The following DCPS variants were observed in gnomAD, a reference collection of about 807,000 sequenced individuals.
DCPS encodes the protein m7GpppX diphosphatase.
Under a neutral mutation model 34.7 loss-of-function variants are expected in DCPS, and 27 were observed. The ratio of observed to expected loss-of-function variants is 0.78; its 90% confidence interval spans 0.57 to 1.07. DCPS has a LOEUF of 1.07. DCPS is among the 50% of genes least tolerant of loss of function. The pLI, the probability that DCPS is intolerant of heterozygous loss-of-function variation, is 0.00. For missense variants in DCPS, 464 were observed against 436.9 expected, an observed-to-expected ratio of 1.06 and a Z score of -0.55; for synonymous variants, 185 against 185.7, an observed-to-expected ratio of 1.00 and a Z score of 0.03.
At chr11:126,310,821 C>G (rs894274475) in intron 2 of DCPS, among the ~76,000 whole-genome samples, 2 of 152,236 alleles carry the variant, frequency 1.3e-5, no homozygotes, top group African/African-American at 4.8e-5. Flanking sequence ...TGTGCAGTTC[C>G]TGCAGCCTCA....
Position 126,333,425 on chromosome 11 carries a change from A to G in DCPS, c.522+1875A>G, listed in dbSNP as rs1565378139. ...GGGAAGATAGACTTGTAAACGGGCA[A>G]TTGTGACAATGGGATAAGCACTCTG... On this transcript the variant is annotated intron_variant, in intron 3 of 5. Coordinates refer to ENST00000263579, the MANE Select transcript of DCPS (RefSeq NM_014026.6). The surrounding 1 kb of genome is among the most constrained non-coding windows in gnomAD (Gnocchi z 5.7). Among the ~76,000 whole-genome samples, 1 of 152,222 alleles carries G rather than the reference A, an allele frequency of 6.6e-6. No homozygotes were observed. Among genetic ancestry groups the G allele is most frequent in the Non-Finnish European group, 1.5e-5 (1 of 68,032 alleles).
In DCPS at chr11:126,315,446, G is replaced by A. The variant is rs1951650252; in HGVS notation, c.376+8702G>A. ...GTGGTGGTATGTGCCTGTAGTTCCAGCTACTCAGGAGGCTGAAGTTGGAGG... is the reference window on the plus strand; with the variant it reads ...GTGGTGGTATGTGCCTGTAGTTCCAACTACTCAGGAGGCTGAAGTTGGAGG... On this transcript the variant is annotated intron_variant, in intron 2 of 5. Coordinates refer to ENST00000263579, the MANE Select transcript of DCPS (RefSeq NM_014026.6). The surrounding 1 kb of genome is among the most constrained non-coding windows in gnomAD (Gnocchi z 6.1). Among the ~76,000 whole-genome samples, 1 of 151,868 alleles carries A rather than the reference G, an allele frequency of 6.6e-6. No homozygotes were observed. The highest frequency in any genetic ancestry group is 1.5e-5 in the Non-Finnish European group (1 of 68,006).
At position 126,325,290 on chromosome 11, in the gene DCPS, C is replaced by G. The variant is rs1951731892; in HGVS notation, c.377-6115C>G. Among the ~76,000 whole-genome samples the G allele has an allele frequency of 6.6e-6, 1 of 152,158 alleles. No homozygotes were observed. Among genetic ancestry groups the G allele is most frequent in the African/African-American group, 2.4e-5 (1 of 41,424 alleles). ...TAATCACAGTAACTATGGCAGTGAA[C>G]AGCATTTACATCATCATCATAGCAT... On this transcript the variant is annotated intron_variant, in intron 2 of 5. Transcript: ENST00000263579. This position sits in a 1 kb window ranked among gnomAD's most constrained non-coding sequence, Gnocchi z 4.3.
rs199942226 is a variant in DCPS at position 126,343,327 on chromosome 11, C to T, written c.657C>T (p.Ile219=). ...CGCAGCTCGATGACTTGTACTTGAT[C>T]GCCATCTGCCATCGCCGGGGCATCA... ...NQQQLDDLYL[I]AICHRRGIRS... The change falls in exon 5 of 6, where the codon ATC becomes ATT. Residue 219 remains isoleucine, a synonymous_variant. Coordinates refer to ENST00000263579, the MANE Select transcript of DCPS (RefSeq NM_014026.6). 34 of 1,613,788 alleles carry T rather than the reference C, an allele frequency of 2.1e-5. No homozygotes were observed. The highest frequency in any genetic ancestry group is 2.7e-5 in the African/African-American group (2 of 75,022).
chr11:126,338,140 C>G lies in DCPS; in HGVS notation c.523-146C>G. The stretch of plus-strand genomic sequence containing the variant: ...ACAGATGCTTGGGGACAGGGCAGCC[C>G]GGATGTAGATCCTCTGAGCGTGGCG... On this transcript the variant is annotated intron_variant, in intron 3 of 5. Transcript: ENST00000263579. This position sits in a 1 kb window ranked among gnomAD's most constrained non-coding sequence, Gnocchi z 5.4. 1 of 697,270 alleles carries G rather than the reference C, an allele frequency of 1.4e-6. No individual in the cohort carries two copies. The highest frequency in any genetic ancestry group is 2.5e-6 in the Non-Finnish European group (1 of 396,046). 43.2% of individuals were successfully genotyped at this position (697,270 alleles called of 1,614,324 possible). A position where few individuals can be genotyped will look rare whatever the true frequency, so the allele number is the denominator to read the frequency against.
rs1951843799 is a variant in DCPS, at chr11:126,337,859, C to T, written c.523-427C>T. 6.0e-6 allele frequency: 1 copy of T among 167,134 alleles called. No homozygotes were observed. Among genetic ancestry groups the T allele is most frequent in the Non-Finnish European group, 1.3e-5 (1 of 76,436 alleles). The allele number at this position is 167,134 out of a possible 1,614,324, so 10.4% of individuals were successfully genotyped here. ...CCGTGGTGCCCTCAGCCTCCTACCT[C>T]TCTTTGCCCCATAGTCCTGAATAGA... On this transcript the variant is annotated intron_variant, in intron 3 of 5. Transcript: ENST00000263579. The surrounding 1 kb of genome is among the most constrained non-coding windows in gnomAD (Gnocchi z 5.3).
rs201671454 is a variant in DCPS, at chr11:126,345,648, T to A, written c.*35T>A. On this transcript the variant is annotated 3_prime_UTR_variant, in exon 6 of 6. Transcript: ENST00000263579. The surrounding 1 kb of genome is among the most constrained non-coding windows in gnomAD (Gnocchi z 7.4). ...GGCAGAAGAGCACAGATGTGTGGGA[T>A]TGGGGGAGGAGTGGGGACAAGATTT... The A allele has an allele frequency of 9.4e-6, 15 of 1,595,188 alleles. No homozygotes were observed. In the South Asian group the frequency reaches 1.7e-4, roughly 18 times the overall value.
intron 2 of DCPS, among the ~76,000 whole-genome samples, chr11:126,308,525 C>T (rs1220787875): frequency 2.0e-5 from 3 of 152,210 alleles, no homozygotes; most frequent in Non-Finnish European, 2.9e-5. Flanking sequence ...TTAATTGGTG[C>T]AAGTTGATGG....
intron 2 of DCPS, among the ~76,000 whole-genome samples, chr11:126,314,144 G>A (rs1951639140): frequency 6.6e-6 from 1 of 152,154 alleles, no homozygotes; most frequent in African/African-American, 2.4e-5. Context: ...TCTCTTCTTT[G>A]TGTCCGTATG....
At position 126,328,125 on chromosome 11, in the gene DCPS, G is replaced by C. The variant is rs1488644197; in HGVS notation, c.377-3280G>C. Among the ~76,000 whole-genome samples, 1 of 152,232 alleles carries C rather than the reference G, an allele frequency of 6.6e-6. No individual in the cohort carries two copies. The highest frequency in any genetic ancestry group is 1.5e-5 in the Non-Finnish European group (1 of 68,046). On this transcript the variant is annotated intron_variant, in intron 2 of 5. Coordinates refer to ENST00000263579, the MANE Select transcript of DCPS (RefSeq NM_014026.6). The surrounding 1 kb of genome is among the most constrained non-coding windows in gnomAD (Gnocchi z 6.6). ...CTGGAGAGGAGCCCATGGCTGACGC[G>C]AGTTAGTGGGTCAGTGGGGAGCCGG...
In DCPS at chr11:126,329,524, C is replaced by T. The variant is rs947886750; in HGVS notation, c.377-1881C>T. 6.6e-6 allele frequency among the ~76,000 whole-genome samples: 1 copy of T among 152,216 alleles called. No individual in the cohort carries two copies. Among genetic ancestry groups the T allele is most frequent in the Admixed American group, 6.5e-5 (1 of 15,280 alleles). ...CACTGTGCTGCTGTGCCACCCAGAG[C>T]TGAGGGCCTGGGATGTTTGATGGGA... On this transcript the variant is annotated intron_variant, in intron 2 of 5. Transcript: ENST00000263579. This position sits in a 1 kb window ranked among gnomAD's most constrained non-coding sequence, Gnocchi z 5.0.
Position 126,345,316 on chromosome 11 carries a change from A to T in DCPS, c.748-31A>T. On this transcript the variant is annotated intron_variant, in intron 5 of 5. Coordinates refer to ENST00000263579, the MANE Select transcript of DCPS (RefSeq NM_014026.6). The surrounding 1 kb of genome is among the most constrained non-coding windows in gnomAD (Gnocchi z 7.4). ...GCGCCGGGCCTCAGGCAGCACGGTG[A>T]CTCCTGACCTGCCTGCCCCTGTCTC... 1.9e-6 allele frequency: 3 copies of T among 1,610,332 alleles called. No homozygotes were observed. Among genetic ancestry groups the T allele is most frequent in the Non-Finnish European group, 2.5e-6 (3 of 1,178,100 alleles).
intron 2 of DCPS, among the ~76,000 whole-genome samples, chr11:126,309,296 T>G (rs1321494225): frequency 6.6e-6 from 1 of 152,176 alleles, no homozygotes; most frequent in African/African-American, 2.4e-5. Flanking sequence ...GTTACAGGCA[T>G]GAGCCGCTGC....
At chr11:126,304,307 G>T in intron 1 of DCPS, 26 bp downstream of exon 1, 1 of 1,612,898 alleles carries the variant, frequency 6.2e-7, no homozygotes. Flanking sequence ...CCTGAGGTGG[G>T]ATGCGGGAAG....
chr11:126,347,263 A>G lies in DCPS; in HGVS notation c.*1650A>G, dbSNP rs1285718304. Reference sequence around the variant, plus strand: ...TTTTTTGAGACAATCTCGCTCCATCACCCAGGCTGGAGTGCAGTGGCACAA... The same window carrying G: ...TTTTTTGAGACAATCTCGCTCCATCGCCCAGGCTGGAGTGCAGTGGCACAA... On this transcript the variant is annotated 3_prime_UTR_variant, in exon 6 of 6. Transcript: ENST00000263579. The surrounding 1 kb of genome is among the most constrained non-coding windows in gnomAD (Gnocchi z 4.2). Among the ~76,000 whole-genome samples the G allele has an allele frequency of 2.3e-5, 3 of 131,538 alleles. No homozygotes were observed. The highest frequency in any genetic ancestry group is 3.1e-5 in the Non-Finnish European group (2 of 63,810). The allele number at this position is 131,538 out of a possible 152,430, so 86.3% of individuals were successfully genotyped here.
chr11:126,327,456 G>A lies in DCPS; in HGVS notation c.377-3949G>A, dbSNP rs1034379365. On this transcript the variant is annotated intron_variant, in intron 2 of 5. Transcript: ENST00000263579. The surrounding 1 kb of genome is among the most constrained non-coding windows in gnomAD (Gnocchi z 4.1). ...GCCTTTTGCTGCTGTAAAGCGACTC[G>A]TGTTCCCTTTGTAATTAATAAGTAA... is the stretch of plus-strand genomic sequence containing the variant. 2.0e-5 allele frequency among the ~76,000 whole-genome samples: 3 copies of A among 152,186 alleles called. No homozygotes were observed. The highest frequency in any genetic ancestry group is 4.8e-5 in the African/African-American group (2 of 41,436).
At position 126,346,204 on chromosome 11, in the gene DCPS, C is replaced by T. The variant is rs555453040; in HGVS notation, c.*591C>T. 9.2e-5 allele frequency among the ~76,000 whole-genome samples: 14 copies of T among 152,236 alleles called. No individual in the cohort carries two copies. Among genetic ancestry groups the T allele is most frequent in the Middle Eastern group, 3.4e-3 (1 of 294 alleles). On this transcript the variant is annotated 3_prime_UTR_variant, in exon 6 of 6. Transcript: ENST00000263579. This position sits in a 1 kb window ranked among gnomAD's most constrained non-coding sequence, Gnocchi z 4.1. ...TAGGGGCTTGGTGCCTGGAAATCGG[C>T]GGGTTTTAATAAGAATCAGATTATG...
chr11:126,310,125 C>T (rs583697), intron 2 of DCPS, among the ~76,000 whole-genome samples: 96,281 of 152,054 alleles, frequency 0.63, 31,509 homozygotes, highest in East Asian at 0.82. Context: ...TACAGAATCA[C>T]TGGAGTCTGC....
chr11:126,331,696 C>G lies in DCPS; in HGVS notation c.522+146C>G. The G allele has an allele frequency of 2.0e-6, 2 of 992,544 alleles. No homozygotes were observed. Among genetic ancestry groups the G allele is most frequent in the Non-Finnish European group, 2.9e-6 (2 of 691,914 alleles). 61.5% of individuals were successfully genotyped at this position (992,544 alleles called of 1,614,324 possible). On this transcript the variant is annotated intron_variant, in intron 3 of 5. Coordinates refer to ENST00000263579, the MANE Select transcript of DCPS (RefSeq NM_014026.6). This position sits in a 1 kb window ranked among gnomAD's most constrained non-coding sequence, Gnocchi z 7.2. ...CAGTAGAGAGCATGGCGGACAGAAT[C>G]CCCACCTCGTGCAGCTTACATCCCA... is the stretch of plus-strand genomic sequence containing the variant.
Sources: allele counts gnomAD v4.1 joint callset (sites outside exome capture counted in the v4.1 genomes callset), GRCh38; gene constraint gnomAD v4.1.1; non-coding constraint Gnocchi (gnomAD v3.1); transcripts MANE v1.5; gene names NCBI Gene and HGNC (gene_info 2026-07-23, HGNC 2026-07-21).